The following MPDZ variants were observed in gnomAD, a reference collection of about 807,000 sequenced individuals.
The protein encoded by MPDZ is multiple PDZ domain crumbs cell polarity complex component.
A neutral mutation model predicts 239.1 loss-of-function variants in MPDZ; 234 were observed. The observed-to-expected ratio is 0.98, with a 90% confidence interval of 0.88 to 1.09. The LOEUF (loss-of-function observed/expected upper bound fraction) is 1.09. Among genes scored for constraint, MPDZ ranks in the 50% least tolerant of loss-of-function variants. The pLI, the probability that MPDZ is intolerant of heterozygous loss-of-function variation, is 0.00. For missense variants in MPDZ, 3,175 were observed against 2,510.0 expected (o/e 1.26, Z -5.66); for synonymous variants, 1,048 against 881.3 (o/e 1.19, Z -3.35).
intron 32 of MPDZ, among the ~76,000 whole-genome samples, chr9:13,127,738 C>G (rs978241360): frequency 6.6e-6 from 1 of 152,142 alleles, no homozygotes; most frequent in African/African-American, 2.4e-5. Context: ...GAAACTGTCA[C>G]TGACCATCTC....
At chr9:13,110,602 A>G (rs747555904) in intron 44 of MPDZ, 34 bp downstream of exon 44, 3 of 1,475,388 alleles carry the variant, frequency 2.0e-6, no homozygotes, top group Non-Finnish European at 1.9e-6. Context: ...CAGGCTACCT[A>G]TATTCTGAAT....
Position 13,150,599 on chromosome 9 carries a change from A to G in MPDZ, c.3542T>C (p.Val1181Ala), listed in dbSNP as rs1016436703. The G allele has an allele frequency of 1.8e-5, 28 of 1,556,532 alleles. No homozygotes were observed. Among genetic ancestry groups the G allele is most frequent in the African/African-American group, 6.9e-5 (5 of 72,408 alleles). ...GMGSRLSNGE[V>A]MRGIFIKHVL... ...ATGTTTGATGAAAATGCCCCTCATC[A>G]CTTCTCCATTGCTTAGCCGACTCCC... The change falls in exon 25 of 47, where the codon GTG becomes GCG. Residue 1181 changes from valine (V) to alanine (A), a missense_variant. Coordinates refer to ENST00000319217, the MANE Select transcript of MPDZ (RefSeq NM_001378778.1).
intron 3 of MPDZ, among the ~76,000 whole-genome samples, chr9:13,239,699 A>C (rs1964909541): frequency 6.6e-6 from 1 of 152,186 alleles, no homozygotes; most frequent in Admixed American, 6.5e-5. Flanking sequence ...TTTAGAGCTT[A>C]AGTATCATAT....
At chr9:13,146,106 C>T (rs1185997264) in intron 26 of MPDZ, among the ~76,000 whole-genome samples, 1 of 152,004 alleles carries the variant, frequency 6.6e-6, no homozygotes, top group African/African-American at 2.4e-5. Context: ...GCAGCCCTAC[C>T]ATTTGGCAAA....
chr9:13,232,803 A>C (rs1332615311), intron 3 of MPDZ, among the ~76,000 whole-genome samples: 1 of 151,472 alleles, frequency 6.6e-6, no homozygotes, highest in Non-Finnish European at 1.5e-5. Context: ...GTATTCAGGA[A>C]ATATAAAGAA....
intron 1 of MPDZ, among the ~76,000 whole-genome samples, chr9:13,260,462 T>G (rs929745447): frequency 6.6e-6 from 1 of 152,198 alleles, no homozygotes; most frequent in Non-Finnish European, 1.5e-5. Flanking sequence ...TTGTGACTAT[T>G]CTAGAAATGT....
chr9:13,207,220 A>G (rs1486862403), intron 10 of MPDZ, among the ~76,000 whole-genome samples: 1 of 152,218 alleles, frequency 6.6e-6, no homozygotes, highest in Non-Finnish European at 1.5e-5. Context: ...ACAAATGACA[A>G]AACATTCAAA....
At chr9:13,135,278 T>G (rs916606790) in intron 31 of MPDZ, 2 of 152,226 alleles carry the variant, frequency 1.3e-5, no homozygotes, top group Admixed American at 1.3e-4. Flanking sequence ...GTATCTGGTA[T>G]AAGGCAGAGT....
intron 3 of MPDZ, among the ~76,000 whole-genome samples, chr9:13,241,497 C>T (rs909707394): frequency 2.0e-5 from 3 of 152,164 alleles, no homozygotes; most frequent in Admixed American, 6.5e-5. Context: ...AGACAGTAGT[C>T]ATCTCCCCTT....
In MPDZ at chr9:13,140,120, C is replaced by T. The variant is rs905379916; in HGVS notation, c.3870G>A (p.Glu1290=). 3.1e-6 allele frequency: 5 copies of T among 1,613,408 alleles called. No individual in the cohort carries two copies. The highest frequency in any genetic ancestry group is 4.2e-6 in the Non-Finnish European group (5 of 1,179,736). The change falls in exon 28 of 47, where the codon GAG becomes GAA. Residue 1290 remains glutamate, a synonymous_variant. Coordinates refer to ENST00000319217, the MANE Select transcript of MPDZ (RefSeq NM_001378778.1). ...KAPSQSESEP[E]KAPLCSVPPP... is the part of the protein sequence containing the mutation. ...GGGGCACACTGCACAATGGAGCCTT[C>T]TCTGGCTCTGACTCTGACTGACTGG... is the stretch of plus-strand genomic sequence containing the variant.
intron 34 of MPDZ, 39 bp downstream of exon 34, chr9:13,126,477 T>C (rs1421227350): frequency 2.2e-6 from 3 of 1,379,012 alleles, no homozygotes; most frequent in Non-Finnish European, 3.0e-6. Flanking sequence ...TGCCCAAGGA[T>C]GGGCCTACAT....
chr9:13,189,514 T>G (rs1418048559), intron 16 of MPDZ, among the ~76,000 whole-genome samples: 1 of 152,004 alleles, frequency 6.6e-6, no homozygotes, highest in Non-Finnish European at 1.5e-5. Context: ...TTAACAAGGC[T>G]CCAGAGTCAG....
At chr9:13,264,426 G>A (rs2149988) in intron 1 of MPDZ, among the ~76,000 whole-genome samples, 1 of 151,864 alleles carries the variant, frequency 6.6e-6, no homozygotes, top group Non-Finnish European at 1.5e-5. Flanking sequence ...TAATTTTAAA[G>A]TTGAAAGGAG....
At chr9:13,257,731 A>G (rs1969772625) in intron 1 of MPDZ, among the ~76,000 whole-genome samples, 1 of 152,188 alleles carries the variant, frequency 6.6e-6, no homozygotes, top group Non-Finnish European at 1.5e-5. Flanking sequence ...CAAATTTTAT[A>G]CCTTAATAGA....
intron 3 of MPDZ, among the ~76,000 whole-genome samples, chr9:13,241,747 G>A (rs1005311894): frequency 3.9e-5 from 6 of 152,250 alleles, no homozygotes; most frequent in African/African-American, 1.2e-4. Flanking sequence ...AATGATAAAT[G>A]TAAGAAATTA....
Position 13,266,527 on chromosome 9 carries a change from A to G in MPDZ, c.-58+12873T>C, listed in dbSNP as rs543146267. ...CAGAACCCTTAAATTCAGCAGACAG[A>G]AGAAATCAACAATTTTTTTTCAATT... On this transcript the variant is annotated intron_variant, in intron 1 of 46. Transcript: ENST00000319217. Among the ~76,000 whole-genome samples the G allele has an allele frequency of 2.8e-3, 421 of 152,338 alleles. 3 individuals carry two copies. Among genetic ancestry groups the G allele is most frequent in the South Asian group, 0.011 (52 of 4,822 alleles).
chr9:13,245,143 TA>T (rs1267317246), intron 3 of MPDZ, among the ~76,000 whole-genome samples: 19 of 151,960 alleles, frequency 1.3e-4, no homozygotes, highest in African/African-American at 4.3e-4. Context: ...TTATAATTAT[TA>T]ATAAATCAGC....
At chr9:13,231,751 G>C (rs1344651558) in intron 3 of MPDZ, among the ~76,000 whole-genome samples, 1 of 150,050 alleles carries the variant, frequency 6.7e-6, no homozygotes, top group Non-Finnish European at 1.5e-5. Flanking sequence ...CTTTTTGTTT[G>C]AGGCCAACAT....
intron 38 of MPDZ, 53 bp downstream of exon 38, chr9:13,121,686 T>A: frequency 1.9e-6 from 3 of 1,581,210 alleles, no homozygotes; most frequent in Non-Finnish European, 1.7e-6. Context: ...TTTAAAATGA[T>A]TTAAGTCCCA....
Sources: allele counts gnomAD v4.1 joint callset (sites outside exome capture counted in the v4.1 genomes callset), GRCh38; gene constraint gnomAD v4.1.1; transcripts MANE v1.5; gene names NCBI Gene and HGNC (gene_info 2026-07-23, HGNC 2026-07-21).